PCDHA8: variants seen among roughly 807,000 people sequenced by gnomAD.
The protein encoded by PCDHA8 is protocadherin alpha 8.
A neutral mutation model predicts 61.8 loss-of-function variants in PCDHA8; 53 were observed. The ratio of observed to expected loss-of-function variants is 0.86; its 90% confidence interval spans 0.69 to 1.08. The LOEUF (loss-of-function observed/expected upper bound fraction) is 1.08, where lower values mean the gene tolerates loss of function less well. Among genes scored for constraint, PCDHA8 ranks in the 50% least tolerant of loss-of-function variants. The pLI is 0.00. For missense variants in PCDHA8, 1,293 were observed against 1,245.0 expected (o/e 1.04, Z -0.58); for synonymous variants, 618 against 556.6 (o/e 1.11, Z -1.55).
chr5:140,927,098 A>G (rs1554204018), intron 1 of PCDHA8: 4 of 1,613,286 alleles, frequency 2.5e-6, no homozygotes, highest in Non-Finnish European at 3.4e-6. Flanking sequence ...TTCGGGGTGG[A>G]TCTACCCAGC....
chr5:140,876,075 C>G, intron 1 of PCDHA8: 1 of 1,613,908 alleles, frequency 6.2e-7, no homozygotes, highest in Non-Finnish European at 8.5e-7. Context: ...AGTTATTGGA[C>G]AGAGAGCAAA....
intron 3 of PCDHA8, among the ~76,000 whole-genome samples, chr5:141,005,884 T>G (rs1554260408): frequency 6.6e-6 from 1 of 151,862 alleles, no homozygotes; most frequent in Non-Finnish European, 1.5e-5. Flanking sequence ...GAGTTTGAGG[T>G]TACATCAAGC....
chr5:140,978,841 T>G, intron 1 of PCDHA8, 108 bp from the exon 2 acceptor site: 1 of 1,563,056 alleles, frequency 6.4e-7, no homozygotes, highest in Non-Finnish European at 8.7e-7. Context: ...ATTCAATACT[T>G]TTTTAGATGC....
chr5:140,967,928 A>G, intron 1 of PCDHA8: 1 of 1,614,200 alleles, frequency 6.2e-7, no homozygotes, highest in South Asian at 1.1e-5. Context: ...GGCCGTTCTC[A>G]GTGTCAATGA....
chr5:140,884,312 G>T, intron 1 of PCDHA8: 1 of 1,613,768 alleles, frequency 6.2e-7, no homozygotes, highest in Non-Finnish European at 8.5e-7. Flanking sequence ...TTCGTCGAGG[G>T]CGTCGGCAGG....
chr5:140,872,346 G>A (rs2053606612), intron 1 of PCDHA8, among the ~76,000 whole-genome samples: 1 of 152,022 alleles, frequency 6.6e-6, no homozygotes, highest in Admixed American at 6.6e-5. Context: ...ACATGTTCTT[G>A]CCAGGCAAAG....
In PCDHA8 at chr5:140,857,691, T is replaced by A. The variant is rs189067845; in HGVS notation, c.2394+13976T>A. ...GGCGTGCCGCCTCTGGGCAGCAACTTGACGCTGCAGGTGTTCGTGCTGGAC... is the reference window on the plus strand; with the variant it reads ...GGCGTGCCGCCTCTGGGCAGCAACTAGACGCTGCAGGTGTTCGTGCTGGAC... On this transcript the variant is annotated intron_variant, in intron 1 of 3. Coordinates refer to ENST00000531613, the MANE Select transcript of PCDHA8 (RefSeq NM_018911.3). 1.9e-6 allele frequency: 3 copies of A among 1,597,120 alleles called. 1 individual carries two copies. The highest frequency in any genetic ancestry group is 2.6e-6 in the Non-Finnish European group (3 of 1,167,726).
chr5:140,843,552 C>G lies in PCDHA8; in HGVS notation c.2231C>G (p.Ala744Gly), dbSNP rs2150362585. 1 of 1,595,800 alleles carries G rather than the reference C, an allele frequency of 6.3e-7. No homozygotes were observed. Among genetic ancestry groups the G allele is most frequent in the Non-Finnish European group, 8.6e-7 (1 of 1,165,394 alleles). The change falls in exon 1 of 4, where the codon GCG becomes GGG. Residue 744 changes from alanine to glycine, a missense_variant. Ala to Gly is a moderately conservative substitution (Grantham distance 60). Coordinates refer to ENST00000531613, the MANE Select transcript of PCDHA8 (RefSeq NM_018911.3). ...AAGCCCACTCTGGTGTGCTCCAGTGCGGTGGGGAGCTGGTCATACTCGCAA... is the reference window on the plus strand; with the variant it reads ...AAGCCCACTCTGGTGTGCTCCAGTGGGGTGGGGAGCTGGTCATACTCGCAA... ...AGKPTLVCSSAVGSWSYSQQQ... is the reference protein window; with the variant it reads ...AGKPTLVCSSGVGSWSYSQQQ...
chr5:140,846,741 C>G (rs1466625417), intron 1 of PCDHA8, among the ~76,000 whole-genome samples: 1 of 149,290 alleles, frequency 6.7e-6, no homozygotes, highest in African/African-American at 2.5e-5. Flanking sequence ...AAATAGGACC[C>G]TTACAGATCT....
intron 1 of PCDHA8, chr5:140,856,261 G>C (rs782582964): frequency 6.3e-7 from 1 of 1,598,154 alleles, no homozygotes. Context: ...AAAGACACGG[G>C]GACCTTCTGG....
chr5:140,883,791 T>C, intron 1 of PCDHA8: 3 of 1,612,422 alleles, frequency 1.9e-6, no homozygotes, highest in Middle Eastern at 3.9e-4. Flanking sequence ...TCGAGCTACG[T>C]GTCGGTGCAC....
chr5:140,968,099 G>A, intron 1 of PCDHA8: 3 of 1,614,100 alleles, frequency 1.9e-6, no homozygotes, highest in South Asian at 1.1e-5. Flanking sequence ...CACAGATGGG[G>A]GAATACCGCA....
At chr5:140,942,364 A>AT (rs1401660324) in intron 1 of PCDHA8, among the ~76,000 whole-genome samples, 1 of 152,040 alleles carries the variant, frequency 6.6e-6, no homozygotes, top group Non-Finnish European at 1.5e-5. Context: ...GTTAACGGAG[A>AT]TTGCACCACT....
At chr5:140,978,856 A>G (rs2096826512) in intron 1 of PCDHA8, 93 bp from the exon 2 acceptor site, 1 of 1,589,052 alleles carries the variant, frequency 6.3e-7, no homozygotes, top group Non-Finnish European at 8.6e-7. Flanking sequence ...AGATGCCTGG[A>G]AATATTTAAG....
chr5:140,841,999 T>A lies in PCDHA8; in HGVS notation c.678T>A (p.Val226=). ...GCAAACCTGAGCTCACAGGCACTGTTCAGCTGCTGGTCACAGTGCTGGATG... is the reference window on the plus strand; with the variant it reads ...GCAAACCTGAGCTCACAGGCACTGTACAGCTGCTGGTCACAGTGCTGGATG... ...DGGKPELTGT[V]QLLVTVLDVN... The change falls in exon 1 of 4, where the codon GTT becomes GTA. Residue 226 remains valine, a synonymous_variant. Coordinates refer to ENST00000531613, the MANE Select transcript of PCDHA8 (RefSeq NM_018911.3). 6.2e-7 allele frequency: 1 copy of A among 1,613,818 alleles called. No individual in the cohort carries two copies. The highest frequency in any genetic ancestry group is 8.5e-7 in the Non-Finnish European group (1 of 1,179,776).
At chr5:140,860,192 C>CATATATATATATATATATATATATAT (rs143984774) in intron 1 of PCDHA8, 76 of 146,806 alleles carry the variant, frequency 5.2e-4, no homozygotes, top group Middle Eastern at 3.6e-3. Flanking sequence ...GCTCTCCTTA[C>CATATATATATATATATATATATATAT]ATATATATCT....
chr5:140,891,820 G>A (rs1341896388), intron 1 of PCDHA8, among the ~76,000 whole-genome samples: 1 of 152,102 alleles, frequency 6.6e-6, no homozygotes, highest in African/African-American at 2.4e-5. Context: ...TAAATTAACG[G>A]CACTGTAAAA....
chr5:140,842,603 C>CG lies in PCDHA8; in HGVS notation c.1285dup (p.Asp429GlyfsTer132). 2 of 1,548,222 alleles carry CG rather than the reference C, an allele frequency of 1.3e-6. No individual in the cohort carries two copies. The highest frequency in any genetic ancestry group is 1.8e-6 in the Non-Finnish European group (2 of 1,135,656). ...GGCCTATGAGTTGGTGGTAACCGCG[C>CG]GGGACGGGGGCTCGCCTTCGCTGTG... On this transcript the variant is annotated frameshift_variant, in exon 1 of 4. Transcript: ENST00000531613. LOFTEE classifies it high-confidence loss of function.
chr5:140,892,237 A>G (rs1288947116), intron 1 of PCDHA8, among the ~76,000 whole-genome samples: 13 of 152,180 alleles, frequency 8.5e-5, no homozygotes, highest in Non-Finnish European at 7.4e-5. Context: ...TTGTCTCCAC[A>G]TAAACCTGGT....
Sources: gnomAD v4.1 joint callset for allele counts (sites outside exome capture counted in the v4.1 genomes callset) on GRCh38, gnomAD v4.1.1 for gene constraint, MANE v1.5 for transcripts, NCBI Gene and HGNC (gene_info 2026-07-23, HGNC 2026-07-21) for gene names.